The following SYT1 variants were observed in gnomAD, a reference collection of about 807,000 sequenced individuals.
SYT1 encodes synaptotagmin 1, also known as synaptotagmin-1.
SYT1 carries 8 observed loss-of-function variants against 44.8 expected under a neutral mutation model. That is an observed-to-expected ratio of 0.18 (90% CI 0.10 to 0.32). SYT1 has a LOEUF of 0.32. Ranked by LOEUF, SYT1 falls within the 10% of genes least tolerant of loss-of-function variation. SYT1 has a pLI of 1.00. For synonymous variants in SYT1, 154 were observed against 188.8 expected (o/e 0.82, Z 1.51); for missense variants, 286 against 509.3 (o/e 0.56, Z 4.22).
chr12:79,059,503 G>A (rs1444113951), intron 3 of SYT1, among the ~76,000 whole-genome samples: 2 of 151,994 alleles, frequency 1.3e-5, no homozygotes, highest in African/African-American at 4.8e-5. Context: ...ATTTGTGTTA[G>A]TTATAACATT....
chr12:78,948,709 A>C (rs1435916697), intron 1 of SYT1, among the ~76,000 whole-genome samples: 1 of 151,826 alleles, frequency 6.6e-6, no homozygotes, highest in Non-Finnish European at 1.5e-5. Flanking sequence ...TTTTCCTTTC[A>C]TCTTATCACA....
intron 3 of SYT1, among the ~76,000 whole-genome samples, chr12:79,090,928 A>T (rs1264108139): frequency 6.6e-6 from 1 of 151,990 alleles, no homozygotes; most frequent in Non-Finnish European, 1.5e-5. Context: ...AAAGTGTCAA[A>T]CCTGTCTTTA....
At chr12:79,063,754 G>C (rs544968760) in intron 3 of SYT1, among the ~76,000 whole-genome samples, 11 of 152,148 alleles carry the variant, frequency 7.2e-5, no homozygotes, top group African/African-American at 1.9e-4. Flanking sequence ...GATTCAATAG[G>C]GAAAAATAAT....
chr12:78,947,522 T>TAAA (rs71441942), intron 1 of SYT1, among the ~76,000 whole-genome samples: 9,520 of 142,524 alleles, frequency 0.067, 355 homozygotes, highest in Admixed American at 0.091. Context: ...TTGAATCTAG[T>TAAA]AAAAAAAAAA....
At chr12:79,127,175 C>T (rs1023034635) in intron 3 of SYT1, among the ~76,000 whole-genome samples, 1 of 152,246 alleles carries the variant, frequency 6.6e-6, no homozygotes, top group African/African-American at 2.4e-5. Flanking sequence ...AATTTTAGAG[C>T]TTCACTCTCT....
intron 3 of SYT1, among the ~76,000 whole-genome samples, chr12:79,113,400 G>T (rs1879116289): frequency 6.6e-6 from 1 of 152,092 alleles, no homozygotes; most frequent in South Asian, 2.1e-4. Flanking sequence ...ATACTAGAGA[G>T]ATATGACTTT....
chr12:79,389,165 G>A (rs139953790), intron 9 of SYT1, among the ~76,000 whole-genome samples: 1 of 152,152 alleles, frequency 6.6e-6, no homozygotes, highest in Non-Finnish European at 1.5e-5. Flanking sequence ...ATAAAAATGT[G>A]GTAATATCAG....
At chr12:79,428,345 A>G (rs1286094769) in intron 9 of SYT1, among the ~76,000 whole-genome samples, 3 of 152,064 alleles carry the variant, frequency 2.0e-5, no homozygotes, top group Non-Finnish European at 4.4e-5. Context: ...GAATACACTC[A>G]CCTGGAGGCC....
At chr12:79,402,729 A>C (rs1885115480) in intron 9 of SYT1, among the ~76,000 whole-genome samples, 1 of 152,176 alleles carries the variant, frequency 6.6e-6, no homozygotes, top group Non-Finnish European at 1.5e-5. Flanking sequence ...GCTTAGGGAA[A>C]AATAGAAATA....
At chr12:78,978,513 T>G (rs1272822216) in intron 2 of SYT1, among the ~76,000 whole-genome samples, 1 of 152,246 alleles carries the variant, frequency 6.6e-6, no homozygotes, top group East Asian at 1.9e-4. Flanking sequence ...TAATTTGGGT[T>G]GTAAAGTATC....
At chr12:79,013,673 A>T (rs1481069880) in intron 2 of SYT1, among the ~76,000 whole-genome samples, 3 of 152,236 alleles carry the variant, frequency 2.0e-5, no homozygotes, top group Non-Finnish European at 4.4e-5. Context: ...TAGAAAACAA[A>T]GCAAAAACAT....
chr12:78,868,359 T>C (rs1418527170), intron 1 of SYT1, among the ~76,000 whole-genome samples: 1 of 151,886 alleles, frequency 6.6e-6, no homozygotes, highest in Non-Finnish European at 1.5e-5. Context: ...GCAGAAAATA[T>C]AATATTTTTA....
At chr12:79,297,891 A>ACAG (rs1831816885) in intron 7 of SYT1, among the ~76,000 whole-genome samples, 2 of 152,272 alleles carry the variant, frequency 1.3e-5, no homozygotes, top group South Asian at 4.1e-4. Context: ...TTCCCCCAAA[A>ACAG]CAGTTATCTG....
chr12:79,377,236 C>T (rs745574463), intron 9 of SYT1, among the ~76,000 whole-genome samples: 5 of 152,124 alleles, frequency 3.3e-5, no homozygotes, highest in Admixed American at 2.0e-4. Context: ...CTCAGCCTCC[C>T]GAGTAGCTGG....
In SYT1 at chr12:79,414,795, G is replaced by A. The variant is rs936223867; in HGVS notation, c.929-29278G>A. ...AAGCAGAGATGAATGAGGGCTACAA[G>A]AATCACAACAGGCTCCTGGGAGGAG... On this transcript the variant is annotated intron_variant, in intron 9 of 10. Transcript: ENST00000261205. 2.6e-5 allele frequency among the ~76,000 whole-genome samples: 4 copies of A among 152,158 alleles called. No homozygotes were observed. The East Asian group carries it at 7.7e-4, about 29-fold the overall frequency.
intron 4 of SYT1, among the ~76,000 whole-genome samples, chr12:79,270,057 A>T (rs1252949980): frequency 6.6e-6 from 1 of 152,204 alleles, no homozygotes; most frequent in Non-Finnish European, 1.5e-5. Context: ...ATAATTTAGA[A>T]AAAGCTTGTT....
rs563842682 is a variant in SYT1, at chr12:78,937,328, T to G, written c.-216-40471T>G. 1.1e-3 allele frequency among the ~76,000 whole-genome samples: 167 copies of G among 152,274 alleles called. 1 individual carries two copies. Among genetic ancestry groups the G allele is most frequent in the African/African-American group, 3.9e-3 (161 of 41,562 alleles). ...ATGCTTTGGGTACTCTCCTTTACTC[T>G]GCTATCCACTATTTATTTCTTGAGA... is the stretch of plus-strand genomic sequence containing the variant. On this transcript the variant is annotated intron_variant, in intron 1 of 10. Coordinates refer to ENST00000261205, the MANE Select transcript of SYT1 (RefSeq NM_005639.3).
At chr12:79,016,126 G>T (rs574157111) in intron 2 of SYT1, among the ~76,000 whole-genome samples, 1 of 152,070 alleles carries the variant, frequency 6.6e-6, no homozygotes, top group Non-Finnish European at 1.5e-5. Flanking sequence ...GTAATGAATC[G>T]CAAAGAGAAA....
intron 1 of SYT1, among the ~76,000 whole-genome samples, chr12:78,894,626 T>C (rs1592532528): frequency 1.3e-5 from 2 of 151,604 alleles, no homozygotes; most frequent in East Asian, 3.9e-4. Flanking sequence ...GACAACTCAT[T>C]ATGAGCTAGT....
Sources: allele counts gnomAD v4.1 joint callset (sites outside exome capture counted in the v4.1 genomes callset), GRCh38; gene constraint gnomAD v4.1.1; transcripts MANE v1.5; gene names NCBI Gene and HGNC (gene_info 2026-07-23, HGNC 2026-07-21).